The following SGSM1 variants were observed in gnomAD, a reference collection of about 807,000 sequenced individuals.
SGSM1 encodes the protein small G protein signaling modulator 1, also known as RUN and TBC1 domain containing 2.
SGSM1 carries 73 observed loss-of-function variants against 133.8 expected under a neutral mutation model. That is an observed-to-expected ratio of 0.55 (90% CI 0.45 to 0.66). The LOEUF is 0.66. SGSM1 is among the 30% of genes least tolerant of loss of function. The pLI, the probability that SGSM1 is intolerant of heterozygous loss-of-function variation, is 0.00. For missense variants in SGSM1, 1,213 were observed against 1,448.1 expected (o/e 0.84, Z 2.64); for synonymous variants, 563 against 573.0 (o/e 0.98, Z 0.25).
chr22:24,893,218 G>T (rs1169726422), intron 16 of SGSM1, among the ~76,000 whole-genome samples: 2 of 152,196 alleles, frequency 1.3e-5, no homozygotes, highest in Non-Finnish European at 2.9e-5. Flanking sequence ...ATAAAGGAAG[G>T]AGGGAAATAA....
chr22:24,879,935 G>A (rs897604008), intron 14 of SGSM1, among the ~76,000 whole-genome samples: 2 of 152,136 alleles, frequency 1.3e-5, no homozygotes, highest in African/African-American at 4.8e-5. Flanking sequence ...AGCAGAAAGA[G>A]TAAGGTGACC....
intron 23 of SGSM1, among the ~76,000 whole-genome samples, chr22:24,919,397 C>T (rs1039815306): frequency 6.6e-6 from 1 of 152,196 alleles, no homozygotes; most frequent in African/African-American, 2.4e-5. Flanking sequence ...TCACTAGACT[C>T]AGAGGCCACA....
chr22:24,885,091 G>GGCATGCGCCACCA (rs139717), intron 15 of SGSM1, among the ~76,000 whole-genome samples: 141,841 of 151,912 alleles, frequency 0.93, 66,337 homozygotes, highest in African/African-American at 0.98. Context: ...TGGGATTACA[G>GGCATGCGCCACCA]TGCCTGGCCA....
chr22:24,868,238 C>T, intron 10 of SGSM1, 138 bp from the exon 11 acceptor site: 1 of 1,219,936 alleles, frequency 8.2e-7, no homozygotes, highest in Non-Finnish European at 1.1e-6. Flanking sequence ...TGACCTTTGC[C>T]CAGGACTTTC....
chr22:24,822,086 C>CTT (rs1474182685), intron 2 of SGSM1, among the ~76,000 whole-genome samples: 1 of 100,108 alleles, frequency 1.0e-5, no homozygotes, highest in Non-Finnish European at 2.0e-5. Flanking sequence ...GTTCATCTCT[C>CTT]TCTTTTTTTT....
At chr22:24,818,787 C>A (rs2147790191) in intron 2 of SGSM1, among the ~76,000 whole-genome samples, 1 of 152,194 alleles carries the variant, frequency 6.6e-6, no homozygotes, top group South Asian at 2.1e-4. Context: ...CCTCAGTGTG[C>A]CCAGAAATGA....
At chr22:24,895,195 C>G (rs1220281894) in intron 17 of SGSM1, 28 bp from the exon 18 acceptor site, 1 of 1,590,626 alleles carries the variant, frequency 6.3e-7, no homozygotes, top group African/African-American at 1.3e-5. Context: ...GCCTCACCCT[C>G]CCTCCCTCCT....
chr22:24,824,772 A>T (rs1928704985), intron 2 of SGSM1, among the ~76,000 whole-genome samples: 1 of 151,856 alleles, frequency 6.6e-6, no homozygotes, highest in Non-Finnish European at 1.5e-5. Flanking sequence ...GCCCTCCCTG[A>T]CCTTCCCCAC....
At chr22:24,906,788 A>G (rs2123723794) in intron 21 of SGSM1, among the ~76,000 whole-genome samples, 1 of 151,882 alleles carries the variant, frequency 6.6e-6, no homozygotes, top group Admixed American at 6.6e-5. Flanking sequence ...AAACATAAAA[A>G]AAAGTAAACA....
intron 21 of SGSM1, among the ~76,000 whole-genome samples, chr22:24,907,260 C>T (rs527741098): frequency 2.8e-5 from 4 of 142,660 alleles, no homozygotes; most frequent in East Asian, 4.1e-4. Context: ...AACTCCATCT[C>T]AAATAAATAA....
At chr22:24,822,329 T>C (rs1287234948) in intron 2 of SGSM1, among the ~76,000 whole-genome samples, 3 of 152,118 alleles carry the variant, frequency 2.0e-5, no homozygotes, top group African/African-American at 4.8e-5. Flanking sequence ...CCTGACCTCC[T>C]GATCTGCCCG....
chr22:24,870,800 T>C (rs1045251684), intron 12 of SGSM1, among the ~76,000 whole-genome samples: 1 of 152,212 alleles, frequency 6.6e-6, no homozygotes, highest in Non-Finnish European at 1.5e-5. Flanking sequence ...CCCAGCTCAC[T>C]GTCCCTTTGT....
chr22:24,919,680 G>C, intron 23 of SGSM1, 146 bp from the exon 24 acceptor site: 1 of 758,076 alleles, frequency 1.3e-6, no homozygotes. Context: ...CCTGCCTTCT[G>C]ACCTGAGTTC....
At chr22:24,923,574 G>A (rs1934088082) in intron 24 of SGSM1, among the ~76,000 whole-genome samples, 1 of 151,438 alleles carries the variant, frequency 6.6e-6, no homozygotes, top group African/African-American at 2.4e-5. Context: ...ACTGCTCTCA[G>A]TCATTCTGTT....
chr22:24,877,154 C>A (rs981438103), intron 13 of SGSM1, among the ~76,000 whole-genome samples: 1 of 152,196 alleles, frequency 6.6e-6, no homozygotes, highest in East Asian at 1.9e-4. Flanking sequence ...TATCCACTCA[C>A]AGCCCATTGG....
intron 24 of SGSM1, among the ~76,000 whole-genome samples, chr22:24,923,420 A>C (rs1415250351): frequency 1.3e-5 from 2 of 152,186 alleles, no homozygotes; most frequent in Non-Finnish European, 2.9e-5. Context: ...TATTTGGCTT[A>C]GAAGTCTGAC....
At chr22:24,882,778 C>T (rs1383139020) in intron 14 of SGSM1, among the ~76,000 whole-genome samples, 2 of 151,214 alleles carry the variant, frequency 1.3e-5, no homozygotes, top group East Asian at 1.9e-4. Flanking sequence ...TTCTGTGCCT[C>T]GCGTTTTTTT....
chr22:24,902,001 G>C, intron 20 of SGSM1, 44 bp downstream of exon 20: 1 of 1,368,498 alleles, frequency 7.3e-7, no homozygotes. Flanking sequence ...GGGATGGTGG[G>C]TGGGTGGGAT....
rs201771287 is a variant in SGSM1, at chr22:24,818,241, A to AT, written c.63+11757_63+11758insT. Reference sequence around the variant, plus strand: ...AGCAAGACTCTGTCTCAAAAAAAAAAAAAATAAAATAAAATAAAACAAACA... The same window carrying AT: ...AGCAAGACTCTGTCTCAAAAAAAAAATAAAATAAAATAAAATAAAACAAACA... On this transcript the variant is annotated intron_variant, in intron 2 of 24. Transcript: ENST00000400358. Among the ~76,000 whole-genome samples, 352 of 150,946 alleles carry AT rather than the reference A, an allele frequency of 2.3e-3. 3 individuals are homozygous for AT. Among genetic ancestry groups the AT allele is most frequent in the South Asian group, 4.2e-3 (20 of 4,768 alleles).
Sources: allele counts gnomAD v4.1 joint callset (sites outside exome capture counted in the v4.1 genomes callset), GRCh38; gene constraint gnomAD v4.1.1; transcripts MANE v1.5; gene names NCBI Gene and HGNC (gene_info 2026-07-23, HGNC 2026-07-21).